DAB1: variants seen among roughly 807,000 people sequenced by gnomAD.
DAB1 encodes the protein disabled homolog 1.
DAB1 carries 15 observed loss-of-function variants against 64.6 expected under a neutral mutation model. The ratio of observed to expected loss-of-function variants is 0.23; its 90% CI spans 0.16 to 0.36. The LOEUF (loss-of-function observed/expected upper bound fraction) is 0.36. DAB1 is among the 10% of genes least tolerant of loss of function. The probability of loss-of-function intolerance (pLI) is 1.00; values close to 1 mark genes in which losing one functional copy is unlikely to be tolerated. For synonymous variants in DAB1, 235 were observed against 251.9 expected, an observed-to-expected ratio of 0.93 and a Z score of 0.64; for missense variants, 596 against 706.7, an observed-to-expected ratio of 0.84 and a Z score of 1.78.
chr1:58,274,959 C>CG (rs1553172354), intron 4 of DAB1, among the ~76,000 whole-genome samples: 4 of 151,800 alleles, frequency 2.6e-5, no homozygotes, highest in African/African-American at 9.7e-5. Context: ...CAGAAATCAC[C>CG]GGTCTTCTGC....
At chr1:57,425,106 G>T (rs1316358369), upstream of DAB1, among the ~76,000 whole-genome samples, 2 of 152,128 alleles carry the variant, frequency 1.3e-5, no homozygotes, top group African/African-American at 4.8e-5. Context: ...CTGTTGTGTG[G>T]CATACCTGTC....
intron 1 of DAB1, among the ~76,000 whole-genome samples, chr1:57,850,022 G>A (rs1653448801): frequency 6.6e-6 from 1 of 152,148 alleles, no homozygotes; most frequent in Non-Finnish European, 1.5e-5. Flanking sequence ...CAACAGCTAG[G>A]TCTCTGTTGA....
intron 4 of DAB1, among the ~76,000 whole-genome samples, chr1:58,262,618 C>T (rs1182488765): frequency 6.6e-6 from 1 of 152,088 alleles, no homozygotes; most frequent in Admixed American, 6.6e-5. Flanking sequence ...TCAGTTTCCT[C>T]ATCTCAGTTT....
At chr1:57,021,646 A>G (rs180719471) in intron 11 of DAB1, among the ~76,000 whole-genome samples, 2 of 152,340 alleles carry the variant, frequency 1.3e-5, no homozygotes, top group African/African-American at 4.8e-5. Context: ...CTTCCTTTGT[A>G]AATTACCCGG....
chr1:57,570,393 C>CATATAT (rs35497839), intron 7 of DAB1, among the ~76,000 whole-genome samples: 28 of 149,046 alleles, frequency 1.9e-4, no homozygotes, highest in African/African-American at 6.6e-4. Flanking sequence ...TTAACAAACT[C>CATATAT]ATATATATAT....
At chr1:57,492,997 ACT>A (rs1172935642) in intron 7 of DAB1, among the ~76,000 whole-genome samples, 2 of 151,626 alleles carry the variant, frequency 1.3e-5, no homozygotes, top group African/African-American at 4.9e-5. Context: ...TGCACTGTGA[ACT>A]CTCTTCTATG....
chr1:57,559,975 G>A (rs1406070379), intron 7 of DAB1, among the ~76,000 whole-genome samples: 1 of 152,202 alleles, frequency 6.6e-6, no homozygotes, highest in African/African-American at 2.4e-5. Flanking sequence ...GATGGATCTT[G>A]GAGAATGACA....
intron 2 of DAB1, among the ~76,000 whole-genome samples, chr1:57,217,677 T>C (rs751522040): frequency 4.6e-5 from 7 of 152,126 alleles, no homozygotes; most frequent in Admixed American, 2.0e-4. Context: ...CTAAAGCCAA[T>C]AGTCATTTTT....
intron 6 of DAB1, among the ~76,000 whole-genome samples, chr1:57,740,048 A>C (rs1433963263): frequency 1.4e-5 from 2 of 146,074 alleles, no homozygotes; most frequent in Non-Finnish European, 3.0e-5. Flanking sequence ...TACTACTACA[A>C]AAAAAAAAAA....
chr1:57,425,380 ACACT>A (rs1385684996), upstream of DAB1, among the ~76,000 whole-genome samples: 5 of 151,850 alleles, frequency 3.3e-5, no homozygotes, highest in African/African-American at 1.2e-4. Flanking sequence ...GTAGCTTCTG[ACACT>A]CACCCATGAA....
intron 1 of DAB1, among the ~76,000 whole-genome samples, chr1:58,529,283 C>T (rs1018625106): frequency 6.6e-6 from 1 of 152,132 alleles, no homozygotes; most frequent in African/African-American, 2.4e-5. Context: ...GATGGGAACT[C>T]CACAAATCAT....
At chr1:58,366,434 G>A (rs540024703) in intron 3 of DAB1, among the ~76,000 whole-genome samples, 93 of 152,304 alleles carry the variant, frequency 6.1e-4, no homozygotes, top group African/African-American at 2.2e-3. Context: ...TAACAACACA[G>A]CTAAAACACC....
Position 57,393,578 on chromosome 1 carries a change from C to T in DAB1, c.-137+30352G>A, listed in dbSNP as rs183343904. 2.0e-4 allele frequency among the ~76,000 whole-genome samples: 31 copies of T among 152,136 alleles called. No homozygotes were observed. The East Asian group carries it at 4.8e-3, about 24-fold the overall frequency. ...GGGCATGGTGGCATGCACCTGTAGT[C>T]CCAGTTTGAGCCCAGGGAAGTAGAG... On this transcript the variant is annotated intron_variant, in intron 1 of 14. Coordinates refer to ENST00000371236, the MANE Select transcript of DAB1 (RefSeq NM_001365792.1).
intron 3 of DAB1, among the ~76,000 whole-genome samples, chr1:58,484,412 A>G (rs1645540087): frequency 6.6e-6 from 1 of 152,240 alleles, no homozygotes; most frequent in African/African-American, 2.4e-5. Flanking sequence ...TTTCTACCAG[A>G]AAGGCTTTAT....
At chr1:57,037,786 C>G (rs1206550523) in intron 9 of DAB1, among the ~76,000 whole-genome samples, 1 of 152,128 alleles carries the variant, frequency 6.6e-6, no homozygotes, top group Non-Finnish European at 1.5e-5. Flanking sequence ...TGGGAAAGCT[C>G]TGTTTGGCAA....
chr1:57,114,332 A>G (rs1485725767), intron 4 of DAB1, among the ~76,000 whole-genome samples: 1 of 152,204 alleles, frequency 6.6e-6, no homozygotes, highest in Non-Finnish European at 1.5e-5. Context: ...TCTTTGCTGT[A>G]TCTTCAAGTT....
intron 3 of DAB1, among the ~76,000 whole-genome samples, chr1:58,470,146 TTATTTA>T (rs1230019297): frequency 9.7e-5 from 10 of 102,964 alleles, no homozygotes; most frequent in Admixed American, 3.0e-4. Context: ...ATTTATTTAT[TTATTTA>T]TTTATTTTTA....
At chr1:58,354,577 G>C (rs1464924608) in intron 3 of DAB1, among the ~76,000 whole-genome samples, 2 of 152,158 alleles carry the variant, frequency 1.3e-5, no homozygotes, top group Admixed American at 6.6e-5. Flanking sequence ...TTTTCTTAAA[G>C]GTCTTTCGGC....
intron 2 of DAB1, among the ~76,000 whole-genome samples, chr1:58,511,043 A>G (rs139276088): frequency 0.01 from 1,593 of 152,300 alleles, 10 homozygotes; most frequent in Non-Finnish European, 0.017. Flanking sequence ...TAAAATATCC[A>G]TACCACCCAA....
Sources: allele counts gnomAD v4.1 joint callset (sites outside exome capture counted in the v4.1 genomes callset), GRCh38; gene constraint gnomAD v4.1.1; transcripts MANE v1.5; gene names NCBI Gene and HGNC (gene_info 2026-07-23, HGNC 2026-07-21).